The following ABCA13 variants were observed in gnomAD, a reference collection of about 807,000 sequenced individuals.
ABCA13 encodes ATP-binding cassette sub-family A member 13.
A neutral mutation model predicts 478.7 loss-of-function variants in ABCA13; 476 were observed. The observed-to-expected ratio is 0.99, with a 90% CI of 0.92 to 1.07. ABCA13 has a LOEUF of 1.07. ABCA13 is among the 50% of genes least tolerant of loss of function. The probability of loss-of-function intolerance (pLI) is 0.00; values close to 1 mark genes in which losing one functional copy is unlikely to be tolerated. For missense variants in ABCA13, 6,060 were observed against 5,910.6 expected, an observed-to-expected ratio of 1.03 and a Z score of -0.83; for synonymous variants, 2,252 against 2,158.9, an observed-to-expected ratio of 1.04 and a Z score of -1.20.
chr7:48,345,601 C>T (rs1429563856), intron 29 of ABCA13, among the ~76,000 whole-genome samples: 1 of 152,084 alleles, frequency 6.6e-6, no homozygotes, highest in Non-Finnish European at 1.5e-5. Flanking sequence ...TATTTTTGTA[C>T]AGCTGTACAA....
At chr7:48,394,175 C>T (rs1208659404) in intron 38 of ABCA13, among the ~76,000 whole-genome samples, 1 of 152,196 alleles carries the variant, frequency 6.6e-6, no homozygotes, top group Non-Finnish European at 1.5e-5. Context: ...TGGAGGCCTA[C>T]AATTGTGTAA....
chr7:48,375,607 G>GA (rs1554480053), intron 34 of ABCA13, among the ~76,000 whole-genome samples: 62 of 151,210 alleles, frequency 4.1e-4, no homozygotes, highest in African/African-American at 1.5e-3. Context: ...TATTTGTATG[G>GA]TTTTTTTTGG....
At position 48,271,977 on chromosome 7, in the gene ABCA13, A is replaced by G. The variant is rs1443190038; in HGVS notation, c.2311A>G (p.Ser771Gly). The G allele has an allele frequency of 6.2e-7, 1 of 1,613,630 alleles. No homozygotes were observed. Among genetic ancestry groups the G allele is most frequent in the Non-Finnish European group, 8.5e-7 (1 of 1,179,710 alleles). The change falls in exon 17 of 62, where the codon AGT (serine) becomes GGT (glycine). Residue 771 changes from serine to glycine, a missense_variant. This residue lies in a region of ABCA13 where 4,423 missense variants were observed against 4,309.1 expected (regional missense o/e 1.03). Transcript: ENST00000435803. ...PSLTEDILNI[S>G]SLWTNHLKSL... Reference sequence around the variant, plus strand: ...TCTCACAGAGGATATTCTGAATATAAGTTCTCTGTGGACAAATCATTTAAA... The same window carrying G: ...TCTCACAGAGGATATTCTGAATATAGGTTCTCTGTGGACAAATCATTTAAA...
chr7:48,361,693 C>T (rs1418190050), intron 31 of ABCA13, among the ~76,000 whole-genome samples: 1 of 151,576 alleles, frequency 6.6e-6, no homozygotes, highest in African/African-American at 2.4e-5. Context: ...GTTCTTTCAA[C>T]TCCTACCTTA....
intron 47 of ABCA13, among the ~76,000 whole-genome samples, chr7:48,484,511 C>T (rs996783872): frequency 6.6e-6 from 1 of 152,130 alleles, no homozygotes; most frequent in South Asian, 2.1e-4. Flanking sequence ...ACAAATATTC[C>T]GACTTTTTAG....
rs909113713 is a variant in ABCA13, at chr7:48,274,646, G to A, written c.4980G>A (p.Leu1660=). The change falls in exon 17 of 62, where the codon TTG becomes TTA. Residue 1660 remains leucine (L), a synonymous_variant. Transcript: ENST00000435803. ...AAAATGCAGGTTATATGCAAGCTTT[G>A]AAGAAGGTAACTTCTGTCATGCGTA... ...SPQNAGYMQA[L]KKVTSVMRTL... 2 of 1,613,874 alleles carry A rather than the reference G, an allele frequency of 1.2e-6. No individual in the cohort carries two copies. Among genetic ancestry groups the A allele is most frequent in the African/African-American group, 1.3e-5 (1 of 74,938 alleles).
At chr7:48,230,336 T>C (rs746353610) in intron 7 of ABCA13, among the ~76,000 whole-genome samples, 2 of 152,166 alleles carry the variant, frequency 1.3e-5, no homozygotes, top group African/African-American at 2.4e-5. Flanking sequence ...GCAAAGCTAG[T>C]AAGAGGAGGC....
At chr7:48,458,477 G>A (rs1975194) in intron 43 of ABCA13, among the ~76,000 whole-genome samples, 52,765 of 152,066 alleles carry the variant, frequency 0.35, 9,262 homozygotes, top group East Asian at 0.46. Flanking sequence ...GCCTGCATGT[G>A]GCTTTCAAAA....
intron 3 of ABCA13, among the ~76,000 whole-genome samples, chr7:48,218,962 C>T (rs1271813222): frequency 6.6e-6 from 1 of 152,174 alleles, no homozygotes; most frequent in Non-Finnish European, 1.5e-5. Flanking sequence ...CTAAAACATT[C>T]TCCGTAATTA....
At chr7:48,643,041 G>T (rs1320335151) in intron 59 of ABCA13, among the ~76,000 whole-genome samples, 1 of 152,092 alleles carries the variant, frequency 6.6e-6, no homozygotes, top group African/African-American at 2.4e-5. Flanking sequence ...TATTGACTGG[G>T]TGTTGATTCT....
intron 22 of ABCA13, among the ~76,000 whole-genome samples, chr7:48,298,006 G>A (rs926031896): frequency 2.0e-5 from 3 of 148,996 alleles, no homozygotes; most frequent in Non-Finnish European, 3.0e-5. Flanking sequence ...GGCTGGTCTC[G>A]AACTCCTGAC....
chr7:48,285,097 G>T (rs1337536354), intron 19 of ABCA13, among the ~76,000 whole-genome samples: 5 of 152,204 alleles, frequency 3.3e-5, no homozygotes, highest in African/African-American at 1.2e-4. Flanking sequence ...TCAGTGGGCA[G>T]CTACTTTAAT....
At chr7:48,188,801 G>A (rs2128886649) in intron 1 of ABCA13, among the ~76,000 whole-genome samples, 1 of 152,272 alleles carries the variant, frequency 6.6e-6, no homozygotes, top group East Asian at 1.9e-4. Context: ...TGTGCTGATG[G>A]AAACATGGAA....
At position 48,506,392 on chromosome 7, in the gene ABCA13, T is replaced by C; in HGVS notation, c.13346+2T>C. ...GGCCTTGCTGAACGAGGACAAGATGTGAGTTGATGGAATGCTGAGGGGTGT... is the reference window on the plus strand; with the variant it reads ...GGCCTTGCTGAACGAGGACAAGATGCGAGTTGATGGAATGCTGAGGGGTGT... On this transcript the variant is annotated splice_donor_variant, in intron 49 of 61. Transcript: ENST00000435803. LOFTEE classifies it high-confidence loss of function. 1 of 1,613,322 alleles carries C rather than the reference T, an allele frequency of 6.2e-7. No homozygotes were observed. Among genetic ancestry groups the C allele is most frequent in the South Asian group, 1.1e-5 (1 of 91,054 alleles).
chr7:48,289,190 G>A (rs1334262938), intron 20 of ABCA13, among the ~76,000 whole-genome samples: 1 of 152,088 alleles, frequency 6.6e-6, no homozygotes, highest in East Asian at 1.9e-4. Context: ...GGCCTTTGGA[G>A]GAGTGGTGCC....
chr7:48,389,219 A>G lies in ABCA13; in HGVS notation c.11653A>G (p.Ile3885Val), dbSNP rs773029100. Reference sequence around the variant, plus strand: ...AAACGGTGCCGGGAAAACCACTATCATGTGGGTCCCATTTTACCCTTATCA... The same window carrying G: ...AAACGGTGCCGGGAAAACCACTATCGTGTGGGTCCCATTTTACCCTTATCA... ...GTNGAGKTTI[I>V]SMLTGLHPPT... is the part of the protein sequence containing the mutation. The change falls in exon 37 of 62, where the codon ATA becomes GTA. Residue 3885 changes from isoleucine (I) to valine (V), a missense_variant and splice_region_variant. Around this residue, in one of 3 missense-constraint regions of ABCA13, gnomAD observed 1,627 missense variants for 1,571.0 expected, o/e 1.04. Transcript: ENST00000435803. 2 of 1,612,626 alleles carry G rather than the reference A, an allele frequency of 1.2e-6. No homozygotes were observed. Among genetic ancestry groups the G allele is most frequent in the East Asian group, 2.2e-5 (1 of 44,808 alleles).
chr7:48,539,855 A>G (rs180880235), intron 55 of ABCA13, among the ~76,000 whole-genome samples: 1 of 152,340 alleles, frequency 6.6e-6, no homozygotes, highest in East Asian at 1.9e-4. Context: ...AAAATTGCAG[A>G]CCTGAAATCA....
intron 15 of ABCA13, among the ~76,000 whole-genome samples, chr7:48,257,949 G>T (rs1231800426): frequency 6.6e-6 from 1 of 151,942 alleles, no homozygotes; most frequent in Non-Finnish European, 1.5e-5. Context: ...TTTGAGACAG[G>T]ATCTCACTCT....
At chr7:48,411,559 C>T (rs1323478708) in intron 40 of ABCA13, among the ~76,000 whole-genome samples, 4 of 152,104 alleles carry the variant, frequency 2.6e-5, no homozygotes, top group African/African-American at 7.2e-5. Flanking sequence ...CCACCAACCT[C>T]GGCCTCCCAA....
Sources: allele counts gnomAD v4.1 joint callset (sites outside exome capture counted in the v4.1 genomes callset), GRCh38; gene constraint gnomAD v4.1.1; regional missense constraint gnomAD v4.1.1; transcripts MANE v1.5; gene names NCBI Gene and HGNC (gene_info 2026-07-23, HGNC 2026-07-21).